Variants in MTF2 observed in about 807,000 individuals in gnomAD.
The protein encoded by MTF2 is metal response element binding transcription factor 2.
Under a neutral mutation model 79.5 loss-of-function variants are expected in MTF2, and 11 were observed. The observed-to-expected ratio is 0.14, with a 90% confidence interval of 0.09 to 0.23. The LOEUF (loss-of-function observed/expected upper bound fraction) is 0.23. Among genes scored for constraint, MTF2 ranks in the 10% least tolerant of loss-of-function variants. The pLI, the probability that MTF2 is intolerant of heterozygous loss-of-function variation, is 1.00. For synonymous variants in MTF2, 208 were observed against 232.8 expected (o/e 0.89, Z 0.97); for missense variants, 486 against 711.2 (o/e 0.68, Z 3.60).
intron 1 of MTF2, among the ~76,000 whole-genome samples, chr1:93,097,587 G>C (rs1655344189): frequency 6.6e-6 from 1 of 152,032 alleles, no homozygotes; most frequent in Admixed American, 6.6e-5. Flanking sequence ...TTCGTGGCCT[G>C]ATTTCAGGTT....
intron 11 of MTF2, 109 bp downstream of exon 11, chr1:93,129,557 GA>G (rs150826957): frequency 6.4e-5 from 32 of 500,750 alleles, no homozygotes; most frequent in East Asian, 6.3e-4. Flanking sequence ...CAGTTACTCT[GA>G]TTTTTTTTTT....
intron 1 of MTF2, among the ~76,000 whole-genome samples, chr1:93,085,985 G>C (rs1267581693): frequency 6.6e-6 from 1 of 152,158 alleles, no homozygotes; most frequent in Non-Finnish European, 1.5e-5. Flanking sequence ...ATATGTGCAA[G>C]ACTTTATGCT....
chr1:93,135,731 A>C (rs1183623198), intron 14 of MTF2, among the ~76,000 whole-genome samples: 1 of 152,196 alleles, frequency 6.6e-6, no homozygotes, highest in Non-Finnish European at 1.5e-5. Context: ...GGATTACTTG[A>C]GCCCAGGAGG....
chr1:93,131,494 G>C (rs1656915290), intron 11 of MTF2, among the ~76,000 whole-genome samples: 1 of 152,036 alleles, frequency 6.6e-6, no homozygotes, highest in African/African-American at 2.4e-5. Flanking sequence ...CTGCGTATCA[G>C]GGACACAGGC....
At chr1:93,095,875 CA>C (rs376323195) in intron 1 of MTF2, among the ~76,000 whole-genome samples, 123 of 151,802 alleles carry the variant, frequency 8.1e-4, no homozygotes, top group Middle Eastern at 3.4e-3. Flanking sequence ...AGGCTGGTCT[CA>C]AACTCCTGAC....
At chr1:93,112,529 G>A (rs955276573) in intron 3 of MTF2, among the ~76,000 whole-genome samples, 3 of 152,170 alleles carry the variant, frequency 2.0e-5, no homozygotes, top group Non-Finnish European at 2.9e-5. Context: ...GCTGGTGGCA[G>A]TGTAAATTTC....
intron 3 of MTF2, among the ~76,000 whole-genome samples, chr1:93,112,714 G>A (rs1656077645): frequency 6.6e-6 from 1 of 152,152 alleles, no homozygotes; most frequent in African/African-American, 2.4e-5. Flanking sequence ...AAATGGCCAA[G>A]GCTTTCTAGT....
chr1:93,114,233 G>A (rs1408260567), intron 3 of MTF2, among the ~76,000 whole-genome samples: 1 of 152,214 alleles, frequency 6.6e-6, no homozygotes, highest in Non-Finnish European at 1.5e-5. Flanking sequence ...GAGCGAGAAA[G>A]AGGTAGTTTA....
intron 7 of MTF2, 56 bp from the exon 8 acceptor site, chr1:93,119,277 T>C: frequency 8.1e-7 from 1 of 1,228,288 alleles, no homozygotes; most frequent in Admixed American, 2.4e-5. Context: ...GCTATAATTG[T>C]TAGTTTATCT....
chr1:93,119,925 A>G (rs1025951960), intron 8 of MTF2: 1 of 152,278 alleles, frequency 6.6e-6, no homozygotes, highest in Non-Finnish European at 1.5e-5. Context: ...GGAAGTGAAA[A>G]CACAAAAATC....
chr1:93,107,239 T>G (rs1162289948), intron 1 of MTF2, among the ~76,000 whole-genome samples: 2 of 152,134 alleles, frequency 1.3e-5, no homozygotes, highest in South Asian at 4.1e-4. Context: ...GTTTGTTTGT[T>G]TTTGAGATGT....
chr1:93,127,208 A>G, intron 9 of MTF2, 24 bp from the exon 10 acceptor site: 2 of 1,569,174 alleles, frequency 1.3e-6, no homozygotes, highest in Non-Finnish European at 1.8e-6. Context: ...GTAGTGCGTT[A>G]AATTGTTTCT....
intron 7 of MTF2, among the ~76,000 whole-genome samples, chr1:93,118,845 A>G (rs1656355851): frequency 6.6e-6 from 1 of 152,280 alleles, no homozygotes; most frequent in Non-Finnish European, 1.5e-5. Context: ...GCAGGGTAGC[A>G]CAGTGAGCTC....
chr1:93,114,609 GCTCA>G, intron 3 of MTF2, 75 bp from the exon 4 acceptor site: 1 of 991,626 alleles, frequency 1.0e-6, no homozygotes, highest in East Asian at 2.5e-5. Context: ...CATATGTGCT[GCTCA>G]CTGAGTCATA....
At position 93,079,363 on chromosome 1, in the gene MTF2, C is replaced by A; in HGVS notation, c.-164C>A. On this transcript the variant is annotated 5_prime_UTR_variant, in exon 1 of 15. Transcript: ENST00000370298. ...GCCGGTGTAAGAACGCTCATTCTAC[C>A]CCCAACCCTTGTCTCCAAGGACCTC... The A allele has an allele frequency of 1.3e-6, 1 of 795,770 alleles. No homozygotes were observed. Among genetic ancestry groups the A allele is most frequent in the Non-Finnish European group, 2.1e-6 (1 of 468,874 alleles). 49.3% of individuals were successfully genotyped at this position (795,770 alleles called of 1,614,324 possible). A position where few individuals can be genotyped will look rare whatever the true frequency, so the allele number is the denominator to read the frequency against.
At chr1:93,112,366 T>C (rs1482926201) in intron 3 of MTF2, among the ~76,000 whole-genome samples, 2 of 134,886 alleles carry the variant, frequency 1.5e-5, no homozygotes, top group East Asian at 2.2e-4. Flanking sequence ...ATTTGTCTAA[T>C]GAGTTTCTTT....
chr1:93,108,757 C>A (rs1176176435), intron 1 of MTF2, among the ~76,000 whole-genome samples: 1 of 151,820 alleles, frequency 6.6e-6, no homozygotes, highest in East Asian at 1.9e-4. Context: ...CCAGTTATTT[C>A]TTTGGATATC....
At chr1:93,085,492 TTTTC>T (rs1654799524) in intron 1 of MTF2, among the ~76,000 whole-genome samples, 1 of 149,508 alleles carries the variant, frequency 6.7e-6, no homozygotes, top group Non-Finnish European at 1.5e-5. Context: ...TTTTTTTTTT[TTTTC>T]TTCATTAAAA....
At chr1:93,082,104 T>C (rs540190242) in intron 1 of MTF2, among the ~76,000 whole-genome samples, 23 of 152,282 alleles carry the variant, frequency 1.5e-4, no homozygotes, top group Non-Finnish European at 3.1e-4. Flanking sequence ...CTTTTTAAAA[T>C]ATAAGATTCT....
Sources: gnomAD v4.1 joint callset for allele counts (sites outside exome capture counted in the v4.1 genomes callset) on GRCh38, gnomAD v4.1.1 for gene constraint, MANE v1.5 for transcripts, NCBI Gene and HGNC (gene_info 2026-07-23, HGNC 2026-07-21) for gene names.